The following MED27 variants were observed in gnomAD, a reference collection of about 807,000 sequenced individuals.
MED27 encodes the protein mediator complex subunit 27, also known as mediator of RNA polymerase II transcription subunit 27.
In MED27, 30 loss-of-function variants were observed where a neutral mutation model predicts 38.2. The observed-to-expected ratio is 0.79, with a 90% CI of 0.59 to 1.07. The LOEUF is 1.07. MED27 is among the 50% of genes least tolerant of loss of function. The pLI is 0.00. For synonymous variants in MED27, 122 were observed against 153.5 expected, an observed-to-expected ratio of 0.79 and a Z score of 1.52; for missense variants, 289 against 397.5, an observed-to-expected ratio of 0.73 and a Z score of 2.32.
At chr9:131,986,094 CAAA>C (rs1394995582) in intron 3 of MED27, among the ~76,000 whole-genome samples, 3 of 152,070 alleles carry the variant, frequency 2.0e-5, no homozygotes, top group Non-Finnish European at 4.4e-5. Flanking sequence ...ACAAAAGAAT[CAAA>C]AAGTTAACAA....
At chr9:131,916,495 C>T (rs1301444150) in intron 4 of MED27, among the ~76,000 whole-genome samples, 2 of 152,198 alleles carry the variant, frequency 1.3e-5, no homozygotes, top group African/African-American at 4.8e-5. Context: ...GAAATGGCTC[C>T]ATTTGGTAAA....
At chr9:131,971,188 A>C (rs1332896546) in intron 3 of MED27, among the ~76,000 whole-genome samples, 1 of 152,260 alleles carries the variant, frequency 6.6e-6, no homozygotes, top group African/African-American at 2.4e-5. Flanking sequence ...TCATTTTCCC[A>C]TTCTACTTTT....
chr9:131,989,340 T>C (rs1024438864), intron 3 of MED27, among the ~76,000 whole-genome samples: 9 of 152,172 alleles, frequency 5.9e-5, no homozygotes, highest in African/African-American at 1.4e-4. Flanking sequence ...GAACTTCCCT[T>C]TCAGGACCAC....
At chr9:132,053,145 C>G (rs564570266) in intron 2 of MED27, among the ~76,000 whole-genome samples, 1 of 151,574 alleles carries the variant, frequency 6.6e-6, no homozygotes, top group Non-Finnish European at 1.5e-5. Flanking sequence ...CCCAGCTACT[C>G]GGGAGGCTGA....
intron 3 of MED27, among the ~76,000 whole-genome samples, chr9:131,942,288 G>C (rs1417888346): frequency 6.6e-6 from 1 of 152,156 alleles, no homozygotes; most frequent in Non-Finnish European, 1.5e-5. Flanking sequence ...GTGAAGAAAG[G>C]AGGAAATGAA....
chr9:131,931,175 G>T (rs1262236493), intron 4 of MED27, among the ~76,000 whole-genome samples: 1 of 152,078 alleles, frequency 6.6e-6, no homozygotes, highest in African/African-American at 2.4e-5. Flanking sequence ...AGCTCAGGGG[G>T]CGGAGGCTGC....
At position 131,982,923 on chromosome 9, in the gene MED27, C is replaced by A. The variant is rs1831771117; in HGVS notation, c.479+31414G>T. On this transcript the variant is annotated intron_variant, in intron 3 of 7. Coordinates refer to ENST00000292035, the MANE Select transcript of MED27 (RefSeq NM_004269.4). The surrounding 1 kb of genome is among the most constrained non-coding windows in gnomAD (Gnocchi z 4.3). The stretch of plus-strand genomic sequence containing the variant: ...TTGGTTTGCCAATCACTGCTCTAGT[C>A]AATGTTTTTCCAACTGTAATGATAT... 6.6e-6 allele frequency among the ~76,000 whole-genome samples: 1 copy of A among 152,172 alleles called. No individual in the cohort carries two copies. The highest frequency in any genetic ancestry group is 1.5e-5 in the Non-Finnish European group (1 of 68,016).
intron 3 of MED27, among the ~76,000 whole-genome samples, chr9:132,000,660 C>T (rs967755590): frequency 6.6e-6 from 1 of 151,562 alleles, no homozygotes; most frequent in Non-Finnish European, 1.5e-5. Context: ...TACTATACAG[C>T]AATAATAAGA....
rs1832282292 is a variant in MED27 at position 132,003,157 on chromosome 9, T to C, written c.479+11180A>G. On this transcript the variant is annotated intron_variant, in intron 3 of 7. Transcript: ENST00000292035. This position sits in a 1 kb window ranked among gnomAD's most constrained non-coding sequence, Gnocchi z 4.2. ...ACTACACAACCACCCATTTCTTTTC[T>C]TCCTTTGCCCAATAATGGCCAGTGA... 1.3e-5 allele frequency among the ~76,000 whole-genome samples: 2 copies of C among 152,298 alleles called. No individual in the cohort carries two copies. The highest frequency in any genetic ancestry group is 4.1e-4 in the South Asian group (2 of 4,826).
rs61360267 is a variant in MED27, at chr9:132,045,413, TACACACACACACACACAC to T, written c.349-30964_349-30947del. 6.9e-5 allele frequency among the ~76,000 whole-genome samples: 10 copies of T among 144,494 alleles called. No homozygotes were observed. In the East Asian group the frequency reaches 1.4e-3, roughly 21 times the overall value. 94.8% of individuals were successfully genotyped at this position (144,494 alleles called of 152,430 possible). Reference sequence around the variant, plus strand: ...AAGATAATGTCTAAGAAGAGGAAATTACACACACACACACACACACACACACACACACACACACACAGA... The same window carrying T: ...AAGATAATGTCTAAGAAGAGGAAATTACACACACACACACACACACACAGA... On this transcript the variant is annotated intron_variant, in intron 2 of 7. Transcript: ENST00000292035.
intron 3 of MED27, among the ~76,000 whole-genome samples, chr9:131,977,860 T>C (rs1307899711): frequency 6.6e-6 from 1 of 152,234 alleles, no homozygotes; most frequent in African/African-American, 2.4e-5. Context: ...GTAAAAGTTA[T>C]ACCACAGAGC....
chr9:132,005,239 A>G (rs1489318497), intron 3 of MED27, among the ~76,000 whole-genome samples: 1 of 152,254 alleles, frequency 6.6e-6, no homozygotes, highest in African/African-American at 2.4e-5. Context: ...GAGATGGCAC[A>G]CATAAGGAAG....
At chr9:132,021,150 C>T (rs1386224479) in intron 2 of MED27, among the ~76,000 whole-genome samples, 1 of 152,162 alleles carries the variant, frequency 6.6e-6, no homozygotes. Flanking sequence ...AAGAAGTAAA[C>T]AGAGACGATG....
At chr9:132,039,957 T>C (rs1361983845) in intron 2 of MED27, among the ~76,000 whole-genome samples, 1 of 152,236 alleles carries the variant, frequency 6.6e-6, no homozygotes, top group African/African-American at 2.4e-5. Flanking sequence ...TGTTGTCTTG[T>C]TTCATAAGAC....
chr9:131,910,930 G>A (rs865997881), intron 4 of MED27, among the ~76,000 whole-genome samples: 1 of 151,750 alleles, frequency 6.6e-6, no homozygotes, highest in Non-Finnish European at 1.5e-5. Context: ...ACAACCACCA[G>A]TTACCTCATC....
chr9:131,900,251 T>A (rs1829914587), intron 4 of MED27, among the ~76,000 whole-genome samples: 1 of 152,238 alleles, frequency 6.6e-6, no homozygotes, highest in Non-Finnish European at 1.5e-5. Flanking sequence ...AGCTGCACTC[T>A]GGGCAGCGAG....
chr9:132,073,363 C>T (rs1349150679), intron 2 of MED27: 4 of 1,013,814 alleles, frequency 3.9e-6, no homozygotes, highest in Non-Finnish European at 4.7e-6. Flanking sequence ...CGCTTCGATT[C>T]ATTTATTCTT....
chr9:131,864,359 T>TA (rs1838700612), intron 6 of MED27, among the ~76,000 whole-genome samples: 1 of 152,076 alleles, frequency 6.6e-6, no homozygotes, highest in African/African-American at 2.4e-5. Context: ...GCCACACACC[T>TA]ATAGTCCCAG....
At chr9:131,967,668 T>A (rs2131008634) in intron 3 of MED27, among the ~76,000 whole-genome samples, 1 of 150,642 alleles carries the variant, frequency 6.6e-6, no homozygotes, top group Non-Finnish European at 1.5e-5. Context: ...ATTTTGTATT[T>A]TTTTTTTTTT....
Sources: gnomAD v4.1 joint callset for allele counts (sites outside exome capture counted in the v4.1 genomes callset) on GRCh38, gnomAD v4.1.1 for gene constraint, Gnocchi (gnomAD v3.1) non-coding constraint, MANE v1.5 for transcripts, NCBI Gene and HGNC (gene_info 2026-07-23, HGNC 2026-07-21) for gene names.